Variants in PCDHA5 observed in about 807,000 individuals in gnomAD.
PCDHA5 encodes the protein protocadherin alpha-5.
Under a neutral mutation model 61.6 loss-of-function variants are expected in PCDHA5, and 43 were observed. The observed-to-expected ratio is 0.70, with a 90% CI of 0.55 to 0.90. PCDHA5 has a LOEUF of 0.90. Among genes scored for constraint, PCDHA5 ranks in the 40% least tolerant of loss-of-function variants. The pLI, the probability that PCDHA5 is intolerant of heterozygous loss-of-function variation, is 0.00. For missense variants in PCDHA5, 1,298 were observed against 1,222.7 expected (o/e 1.06, Z -0.92); for synonymous variants, 627 against 543.9 (o/e 1.15, Z -2.13).
intron 1 of PCDHA5, among the ~76,000 whole-genome samples, chr5:140,894,790 T>C (rs943284227): frequency 6.6e-6 from 1 of 152,164 alleles, no homozygotes. Flanking sequence ...ATTTGTCCTC[T>C]CCTTTAAAAA....
rs1488596274 is a variant in PCDHA5, at chr5:140,841,538, G to A, written c.2352+17411G>A. 4 of 1,613,606 alleles carry A rather than the reference G, an allele frequency of 2.5e-6. No homozygotes were observed. The African/African-American group carries it at 5.3e-5, about 22-fold the overall frequency. ...CCGGGTGGCGTCCAAAAGACACCGG[G>A]ACCTTCTGGAGGTAAGTCTGCAGAA... On this transcript the variant is annotated intron_variant, in intron 1 of 3. Transcript: ENST00000529859.
intron 1 of PCDHA5, among the ~76,000 whole-genome samples, chr5:140,872,352 C>T (rs568415263): frequency 7.2e-5 from 11 of 152,170 alleles, no homozygotes; most frequent in African/African-American, 2.7e-4. Context: ...TCTTGCCAGG[C>T]AAAGTGGTTC....
In PCDHA5 at chr5:140,822,891, C is replaced by T; in HGVS notation, c.1116C>T (p.Ser372=). The change falls in exon 1 of 4, where the codon AGC becomes AGT. Residue 372 remains serine (S), a synonymous_variant. Transcript: ENST00000529859. The part of the protein sequence containing the change: ...APLSTVIALI[S]VSDRDSGANG... ...TCAGCACGGTCATTGCTCTGATCAGCGTGTCTGACCGTGACTCAGGTGCCA... is the reference window on the plus strand; with the variant it reads ...TCAGCACGGTCATTGCTCTGATCAGTGTGTCTGACCGTGACTCAGGTGCCA... The T allele has an allele frequency of 6.2e-7, 1 of 1,614,226 alleles. No individual in the cohort carries two copies. Among genetic ancestry groups the T allele is most frequent in the South Asian group, 1.1e-5 (1 of 91,088 alleles).
intron 1 of PCDHA5, among the ~76,000 whole-genome samples, chr5:140,960,655 T>C (rs2153725891): frequency 6.6e-6 from 1 of 152,296 alleles, no homozygotes; most frequent in East Asian, 1.9e-4. Context: ...TCCAAATCAA[T>C]GAATGCTTTG....
rs1554244374 is a variant in PCDHA5 at position 140,982,509 on chromosome 5, GC to G, written c.2447del (p.Ala816ValfsTer85). ...VHLEEAGILR[A>X]GPGGPDQQWP... is the part of the protein sequence containing the mutation. ...CCTAGAGGAGGCTGGCATTCTACGGGCTGGTCCAGGAGGGCCTGATCAGCAG... is the reference window on the plus strand; with the variant it reads ...CCTAGAGGAGGCTGGCATTCTACGGGTGGTCCAGGAGGGCCTGATCAGCAG... On this transcript the variant is annotated frameshift_variant, in exon 3 of 4. Transcript: ENST00000529859. LOFTEE classifies it high-confidence loss of function. 6.2e-7 allele frequency: 1 copy of G among 1,614,206 alleles called. No homozygotes were observed. Among genetic ancestry groups the G allele is most frequent in the Non-Finnish European group, 8.5e-7 (1 of 1,180,032 alleles).
At chr5:140,871,697 A>G (rs2053267729) in intron 1 of PCDHA5, 3 of 935,180 alleles carry the variant, frequency 3.2e-6, no homozygotes, top group Non-Finnish European at 3.1e-6. Flanking sequence ...GGCTTCTTTA[A>G]CCAATAAATG....
At chr5:140,926,908 G>C (rs950305439) in intron 1 of PCDHA5, 2 of 1,560,316 alleles carry the variant, frequency 1.3e-6, no homozygotes, top group Admixed American at 1.8e-5. Flanking sequence ...GGGCTGTGGG[G>C]TGGCAGTTTT....
intron 1 of PCDHA5, among the ~76,000 whole-genome samples, chr5:140,957,407 ATTG>A (rs2095357259): frequency 6.6e-6 from 1 of 152,156 alleles, no homozygotes; most frequent in Non-Finnish European, 1.5e-5. Context: ...ATTTATTATT[ATTG>A]TTGTTAATCT....
intron 1 of PCDHA5, among the ~76,000 whole-genome samples, chr5:140,832,941 C>T (rs1455354845): frequency 6.6e-6 from 1 of 152,044 alleles, no homozygotes; most frequent in Non-Finnish European, 1.5e-5. Flanking sequence ...AAGAGAGTAA[C>T]TTAAGTGAGT....
intron 1 of PCDHA5, chr5:140,829,829 C>A: frequency 6.2e-7 from 1 of 1,613,904 alleles, no homozygotes; most frequent in Non-Finnish European, 8.5e-7. Flanking sequence ...AGTGAGCGAG[C>A]TGGTGCCGCG....
At chr5:140,828,922 T>G (rs1770031528) in intron 1 of PCDHA5, 3 of 1,614,078 alleles carry the variant, frequency 1.9e-6, no homozygotes, top group African/African-American at 2.7e-5. Context: ...ATGGGGCAAT[T>G]TCATATTCTT....
At chr5:140,836,501 G>C (rs1554136017) in intron 1 of PCDHA5, 6 of 1,613,866 alleles carry the variant, frequency 3.7e-6, no homozygotes, top group Non-Finnish European at 5.1e-6. Context: ...CCATCTGCGC[G>C]GTGTCCAGTC....
intron 1 of PCDHA5, chr5:140,867,274 C>T (rs2049858759): frequency 6.6e-6 from 1 of 151,960 alleles, no homozygotes; most frequent in Non-Finnish European, 1.5e-5. Flanking sequence ...CAAAATAAAC[C>T]TGATGTGCTT....
rs1554135559 is a variant in PCDHA5 at position 140,836,032 on chromosome 5, C to T, written c.2352+11905C>T. 7.4e-6 allele frequency: 12 copies of T among 1,613,412 alleles called. No individual in the cohort carries two copies. The East Asian group carries it at 2.7e-4, about 36-fold the overall frequency. ...GTGCCGCCTCTGGGCAGCAACGTGA[C>T]GCTGCAGGTGTTCGTGCTGGACGAG... On this transcript the variant is annotated intron_variant, in intron 1 of 3. Coordinates refer to ENST00000529859, the MANE Select transcript of PCDHA5 (RefSeq NM_018908.3).
At chr5:140,941,214 C>CCTTTCTTTCTTCCTTTCTTT (rs2092876516) in intron 1 of PCDHA5, among the ~76,000 whole-genome samples, 18 of 122,412 alleles carry the variant, frequency 1.5e-4, no homozygotes, top group Non-Finnish European at 2.9e-4. Context: ...TTTCTTTCTT[C>CCTTTCTTTCTTCCTTTCTTT]CTTTCTTTCT....
chr5:141,003,151 C>T (rs1554258934), intron 3 of PCDHA5, among the ~76,000 whole-genome samples: 2 of 152,224 alleles, frequency 1.3e-5, no homozygotes, highest in African/African-American at 2.4e-5. Flanking sequence ...AGACTCTGAC[C>T]TGATCAATCC....
In PCDHA5 at chr5:140,842,728, G is replaced by A. The variant is rs2150343168; in HGVS notation, c.2352+18601G>A. 2 of 1,595,050 alleles carry A rather than the reference G, an allele frequency of 1.3e-6. 1 individual carries two copies. Reference sequence around the variant, plus strand: ...CGGTGTTCGTGAAGGAGAACAACCCGCCGGGCTGCCACATCTTCACGGTGT... The same window carrying A: ...CGGTGTTCGTGAAGGAGAACAACCCACCGGGCTGCCACATCTTCACGGTGT... On this transcript the variant is annotated intron_variant, in intron 1 of 3. Transcript: ENST00000529859.
At chr5:140,884,112 C>T (rs2153400405) in intron 1 of PCDHA5, 1 of 1,613,306 alleles carries the variant, frequency 6.2e-7, no homozygotes. Flanking sequence ...CAGCTGGCGG[C>T]GGTCGGCGCG....
intron 3 of PCDHA5, among the ~76,000 whole-genome samples, chr5:140,994,758 G>A (rs150618369): frequency 1.3e-5 from 2 of 152,248 alleles, no homozygotes; most frequent in East Asian, 3.9e-4. Flanking sequence ...GATGTGGAGA[G>A]GAAGAGAATT....
Sources: gnomAD v4.1 joint callset for allele counts (sites outside exome capture counted in the v4.1 genomes callset) on GRCh38, gnomAD v4.1.1 for gene constraint, MANE v1.5 for transcripts, NCBI Gene and HGNC (gene_info 2026-07-23, HGNC 2026-07-21) for gene names.